The following ERC2 variants were observed in gnomAD, a reference collection of about 807,000 sequenced individuals.
ERC2 encodes the protein ERC protein 2.
Under a neutral mutation model 114.8 loss-of-function variants are expected in ERC2, and 42 were observed. The ratio of observed to expected loss-of-function variants is 0.37; its 90% CI spans 0.29 to 0.47. The LOEUF is 0.47. Ranked by LOEUF, ERC2 falls within the 20% of genes least tolerant of loss-of-function variation. ERC2 has a pLI of 0.99. For synonymous variants in ERC2, 454 were observed against 425.5 expected (o/e 1.07, Z -0.82); for missense variants, 939 against 1,150.7 (o/e 0.82, Z 2.66).
intron 6 of ERC2, among the ~76,000 whole-genome samples, chr3:56,089,594 TA>T (rs2077679092): frequency 6.6e-6 from 1 of 152,138 alleles, no homozygotes; most frequent in South Asian, 2.1e-4. Flanking sequence ...AGCTTTTTTT[TA>T]ATACTTTTAG....
chr3:55,667,593 G>T (rs2061403550), intron 17 of ERC2, among the ~76,000 whole-genome samples: 1 of 152,186 alleles, frequency 6.6e-6, no homozygotes, highest in East Asian at 1.9e-4. Flanking sequence ...AGCTATGGAA[G>T]CCCCACAGTC....
chr3:55,606,906 G>C (rs1434107441), intron 17 of ERC2: 1 of 152,438 alleles, frequency 6.6e-6, no homozygotes, highest in African/African-American at 2.4e-5. Context: ...GGTTGGACAG[G>C]TGATCAATGT....
chr3:55,907,450 ACT>A (rs933163632), intron 13 of ERC2, among the ~76,000 whole-genome samples: 12 of 152,296 alleles, frequency 7.9e-5, no homozygotes, highest in African/African-American at 2.9e-4. Context: ...TCAGGTACGT[ACT>A]CAGTGCCAAG....
At chr3:55,577,364 G>A (rs2057036889) in intron 17 of ERC2, among the ~76,000 whole-genome samples, 2 of 152,180 alleles carry the variant, frequency 1.3e-5, no homozygotes, top group South Asian at 2.1e-4. Context: ...TAATAAAAGG[G>A]CAGTGAGAGA....
chr3:55,963,659 A>G (rs2068545952), intron 12 of ERC2, among the ~76,000 whole-genome samples: 1 of 152,212 alleles, frequency 6.6e-6, no homozygotes. Flanking sequence ...AATTGCCACA[A>G]TTCCATGGAG....
intron 17 of ERC2, among the ~76,000 whole-genome samples, chr3:55,640,358 C>A (rs13061388): frequency 0.11 from 17,092 of 152,230 alleles, 1,228 homozygotes; most frequent in Non-Finnish European, 0.17. Flanking sequence ...TCTGCCACAC[C>A]TTTCTAACGA....
At chr3:56,071,381 G>A (rs928344598) in intron 7 of ERC2, among the ~76,000 whole-genome samples, 9 of 152,156 alleles carry the variant, frequency 5.9e-5, no homozygotes, top group African/African-American at 2.2e-4. Flanking sequence ...TCATCCCTCA[G>A]GTACTCTATA....
At chr3:56,221,394 C>CA (rs34151708) in intron 3 of ERC2, among the ~76,000 whole-genome samples, 48,176 of 135,150 alleles carry the variant, frequency 0.36, 8,951 homozygotes, top group Middle Eastern at 0.51. Context: ...GTCATCTCAC[C>CA]AAAAAAAAAA....
chr3:55,914,719 T>A (rs944738233), intron 13 of ERC2, among the ~76,000 whole-genome samples: 23 of 152,274 alleles, frequency 1.5e-4, no homozygotes, highest in African/African-American at 5.3e-4. Context: ...TAAACACATG[T>A]AAACCTAGGC....
intron 2 of ERC2, among the ~76,000 whole-genome samples, chr3:56,372,029 G>C (rs948299533): frequency 2.0e-5 from 3 of 152,234 alleles, no homozygotes; most frequent in Admixed American, 1.3e-4. Flanking sequence ...AGTCTATAGG[G>C]CTTCAACAAA....
chr3:56,135,664 G>A (rs2080463641), intron 6 of ERC2, among the ~76,000 whole-genome samples: 1 of 152,140 alleles, frequency 6.6e-6, no homozygotes, highest in South Asian at 2.1e-4. Flanking sequence ...TCTTGTCCAC[G>A]CCACACAGTT....
At chr3:55,655,227 C>T (rs925840624) in intron 17 of ERC2, among the ~76,000 whole-genome samples, 2 of 135,680 alleles carry the variant, frequency 1.5e-5, no homozygotes, top group East Asian at 4.5e-4. Flanking sequence ...CCTTTATTGG[C>T]TTGCCTTCCC....
intron 14 of ERC2, among the ~76,000 whole-genome samples, chr3:55,835,028 C>T (rs957640954): frequency 5.3e-5 from 8 of 151,634 alleles, no homozygotes; most frequent in African/African-American, 1.9e-4. Flanking sequence ...TCGACACATA[C>T]ACCCTCCCAA....
At chr3:56,402,376 A>T (rs1491159) in intron 2 of ERC2, among the ~76,000 whole-genome samples, 67,897 of 152,070 alleles carry the variant, frequency 0.45, 16,193 homozygotes, top group African/African-American at 0.6. Context: ...ATGGTAATGG[A>T]AAACTGACAT....
chr3:56,447,933 G>A (rs1211307975), intron 1 of ERC2, among the ~76,000 whole-genome samples: 2 of 151,926 alleles, frequency 1.3e-5, no homozygotes, highest in Non-Finnish European at 2.9e-5. Flanking sequence ...AGTACAGATG[G>A]GGCTTTGACA....
chr3:56,134,920 G>GTTTTTTTTTTTTTTT (rs147281232), intron 6 of ERC2, among the ~76,000 whole-genome samples: 1 of 143,046 alleles, frequency 7.0e-6, no homozygotes. Flanking sequence ...CTTTTTTTTT[G>GTTTTTTTTTTTTTTT]TTTTTTTTTG....
intron 17 of ERC2, among the ~76,000 whole-genome samples, chr3:55,635,841 G>T (rs1257773942): frequency 1.3e-5 from 2 of 151,812 alleles, no homozygotes; most frequent in African/African-American, 2.4e-5. Flanking sequence ...TCCCATCAGA[G>T]ATTTTTTAAT....
chr3:56,121,708 C>T (rs1418156783), intron 6 of ERC2, among the ~76,000 whole-genome samples: 1 of 152,148 alleles, frequency 6.6e-6, no homozygotes, highest in East Asian at 1.9e-4. Context: ...CAGAAAGTCT[C>T]ATTAAACCTA....
intron 12 of ERC2, among the ~76,000 whole-genome samples, chr3:55,970,191 T>C (rs1433934425): frequency 6.6e-6 from 1 of 152,156 alleles, no homozygotes; most frequent in African/African-American, 2.4e-5. Flanking sequence ...CAGCTAGTAA[T>C]TTATTTGTAA....
Sources: allele counts gnomAD v4.1 joint callset (sites outside exome capture counted in the v4.1 genomes callset), GRCh38; gene constraint gnomAD v4.1.1; transcripts MANE v1.5; gene names NCBI Gene and HGNC (gene_info 2026-07-23, HGNC 2026-07-21).